Variants in ELP4 observed in about 807,000 individuals in gnomAD.
ELP4 encodes the protein elongator complex protein 4.
Under a neutral mutation model 48.9 loss-of-function variants are expected in ELP4, and 51 were observed. The ratio of observed to expected loss-of-function variants is 1.04; its 90% CI spans 0.83 to 1.32. ELP4 has a LOEUF of 1.32. ELP4 is among the 40% of genes most tolerant of loss of function. ELP4 has a pLI of 0.00. For synonymous variants in ELP4, 210 were observed against 189.2 expected (o/e 1.11, Z -0.90); for missense variants, 519 against 514.6 (o/e 1.01, Z -0.08).
intron 9 of ELP4, among the ~76,000 whole-genome samples, chr11:31,779,359 C>G (rs558508): frequency 0.048 from 7,257 of 152,268 alleles, 296 homozygotes; most frequent in East Asian, 0.19. Flanking sequence ...TGTCTGGGAA[C>G]TGTGAGCACT....
chr11:31,708,027 G>T (rs1946669560), intron 9 of ELP4, among the ~76,000 whole-genome samples: 1 of 152,158 alleles, frequency 6.6e-6, no homozygotes. Flanking sequence ...TCAAGGATAA[G>T]CAGGAGCATT....
intron 1 of ELP4, chr11:31,511,948 A>G (rs1481490731): frequency 6.6e-6 from 1 of 152,228 alleles, no homozygotes; most frequent in Non-Finnish European, 1.5e-5. Flanking sequence ...GAATACTTTG[A>G]AATATATTTT....
intron 9 of ELP4, among the ~76,000 whole-genome samples, chr11:31,675,198 TTGAA>T (rs1191670239): frequency 6.6e-6 from 1 of 152,114 alleles, no homozygotes; most frequent in Non-Finnish European, 1.5e-5. Flanking sequence ...TTGTGGCAGA[TTGAA>T]TGGGCAGAAT....
At chr11:31,676,654 G>A (rs1945932047) in intron 9 of ELP4, among the ~76,000 whole-genome samples, 1 of 152,110 alleles carries the variant, frequency 6.6e-6, no homozygotes, top group Non-Finnish European at 1.5e-5. Flanking sequence ...ACCATTTATT[G>A]CTATTATTTA....
chr11:31,759,735 C>T (rs1399929788), intron 9 of ELP4, among the ~76,000 whole-genome samples: 6 of 145,756 alleles, frequency 4.1e-5, no homozygotes, highest in Middle Eastern at 3.6e-3. Context: ...GAGACGGAGT[C>T]TCGCTCTGTC....
In ELP4 at chr11:31,548,768, G is replaced by T. The variant is rs1240851663; in HGVS notation, c.381+8985G>T. On this transcript the variant is annotated intron_variant, in intron 3 of 9. Coordinates refer to ENST00000640961, the MANE Select transcript of ELP4 (RefSeq NM_019040.5). ...AGGCTACAGTAACCAAAACAGCATG[G>T]TACTGGTACCAAAACAGAGATATAG... 3.3e-5 allele frequency among the ~76,000 whole-genome samples: 5 copies of T among 152,220 alleles called. No homozygotes were observed. In the South Asian group the frequency reaches 8.3e-4, roughly 25 times the overall value.
chr11:31,544,773 C>T (rs1271986350), intron 3 of ELP4, among the ~76,000 whole-genome samples: 1 of 152,210 alleles, frequency 6.6e-6, no homozygotes, highest in East Asian at 1.9e-4. Flanking sequence ...AGACTGACAC[C>T]TCACACGGCC....
At chr11:31,652,181 C>G (rs1945334632) in intron 9 of ELP4, 1 of 151,644 alleles carries the variant, frequency 6.6e-6, no homozygotes, top group South Asian at 2.1e-4. Context: ...TCAAACTCTG[C>G]ACCTTTTTGT....
intron 9 of ELP4, among the ~76,000 whole-genome samples, chr11:31,711,904 C>A (rs748965658): frequency 2.6e-5 from 4 of 151,942 alleles, no homozygotes; most frequent in Non-Finnish European, 5.9e-5. Flanking sequence ...GTATCAATAA[C>A]CTAAAGATGC....
chr11:31,600,310 A>G (rs2133997697), intron 4 of ELP4: 1 of 152,242 alleles, frequency 6.6e-6, no homozygotes, highest in South Asian at 2.1e-4. Flanking sequence ...CACTCCATGA[A>G]TTGCTAGCCG....
chr11:31,755,832 C>A (rs1947822653), intron 9 of ELP4, among the ~76,000 whole-genome samples: 1 of 151,978 alleles, frequency 6.6e-6, no homozygotes, highest in South Asian at 2.1e-4. Flanking sequence ...TCTGTCCATC[C>A]ATTCATCCAT....
intron 9 of ELP4, among the ~76,000 whole-genome samples, chr11:31,669,079 T>C (rs930522886): frequency 1.4e-5 from 2 of 140,118 alleles, no homozygotes; most frequent in African/African-American, 5.6e-5. Flanking sequence ...GTCTTTTATT[T>C]ATTTTTATTT....
At chr11:31,754,390 A>G (rs548433284) in intron 9 of ELP4, among the ~76,000 whole-genome samples, 1 of 151,840 alleles carries the variant, frequency 6.6e-6, no homozygotes, top group Non-Finnish European at 1.5e-5. Flanking sequence ...AGCTGCAACC[A>G]CCTTCATCAT....
chr11:31,684,192 T>G (rs1022230211), intron 9 of ELP4, among the ~76,000 whole-genome samples: 2 of 151,582 alleles, frequency 1.3e-5, no homozygotes, highest in Admixed American at 1.3e-4. Flanking sequence ...AATAAAAAAA[T>G]GCAAAGGACC....
At chr11:31,769,014 T>C (rs984214276) in intron 9 of ELP4, among the ~76,000 whole-genome samples, 2 of 152,156 alleles carry the variant, frequency 1.3e-5, no homozygotes, top group Non-Finnish European at 2.9e-5. Flanking sequence ...TCTGGCTAGC[T>C]TGACAAAGTA....
At chr11:31,584,522 T>TG (rs1957442002) in intron 3 of ELP4, among the ~76,000 whole-genome samples, 1 of 151,930 alleles carries the variant, frequency 6.6e-6, no homozygotes, top group Non-Finnish European at 1.5e-5. Flanking sequence ...TTTGTTTTGT[T>TG]TTGTTGTTGT....
chr11:31,511,611 A>G (rs1181062340), intron 1 of ELP4: 2 of 152,192 alleles, frequency 1.3e-5, no homozygotes, highest in Non-Finnish European at 2.9e-5. Context: ...AAAACCAGTG[A>G]CCATGTGTAC....
Position 31,650,111 on chromosome 11 carries a change from C to T in ELP4, c.1037-4C>T. On this transcript the variant is annotated splice_region_variant and splice_polypyrimidine_tract_variant and intron_variant, in intron 8 of 9. Transcript: ENST00000640961. ...TTTTTTTCTTTTAATTTCTTTTCCA[C>T]AAGGATTGATTCATATACGGCAGAT... is the stretch of plus-strand genomic sequence containing the variant. 8.0e-7 allele frequency: 1 copy of T among 1,253,270 alleles called. No homozygotes were observed. The highest frequency in any genetic ancestry group is 1.9e-5 in the Admixed American group (1 of 53,306). 77.6% of individuals were successfully genotyped at this position (1,253,270 alleles called of 1,614,324 possible).
At chr11:31,559,316 C>T (rs1416645234) in intron 3 of ELP4, among the ~76,000 whole-genome samples, 2 of 152,158 alleles carry the variant, frequency 1.3e-5, no homozygotes, top group Admixed American at 6.5e-5. Context: ...TAGTTCACCA[C>T]GTCTGTCTTT....
Sources: allele counts gnomAD v4.1 joint callset (sites outside exome capture counted in the v4.1 genomes callset), GRCh38; gene constraint gnomAD v4.1.1; transcripts MANE v1.5; gene names NCBI Gene and HGNC (gene_info 2026-07-23, HGNC 2026-07-21).